Variants in LMO3 observed in about 807,000 individuals in gnomAD.
LMO3 encodes the protein LIM domain only 3.
In LMO3, 2 loss-of-function variants were observed where a neutral mutation model predicts 15.8. The ratio of observed to expected loss-of-function variants is 0.13; its 90% CI spans 0.05 to 0.40. LMO3 has a LOEUF of 0.40. Among genes scored for constraint, LMO3 ranks in the 10% least tolerant of loss-of-function variants. The pLI is 0.99. For missense variants in LMO3, 86 were observed against 182.2 expected, an observed-to-expected ratio of 0.47 and a Z score of 3.04; for synonymous variants, 62 against 63.8, an observed-to-expected ratio of 0.97 and a Z score of 0.13.
rs1555116337 is a variant in LMO3 at position 16,566,038 on chromosome 12, A to ATATATATG, written c.207-5501_207-5500insCATATATA. Among the ~76,000 whole-genome samples, 15 of 90,522 alleles carry ATATATATG rather than the reference A, an allele frequency of 1.7e-4. 1 individual carries two copies. Among genetic ancestry groups the ATATATATG allele is most frequent in the East Asian group, 1.3e-3 (3 of 2,392 alleles). 59.4% of individuals were successfully genotyped at this position (90,522 alleles called of 152,430 possible). A position where few individuals can be genotyped will look rare whatever the true frequency, so the allele number is the denominator to read the frequency against. ...TATATATATATATATATATATATATATAAAATGGAGTACTATTCAGCCATA... is the reference window on the plus strand; with the variant it reads ...TATATATATATATATATATATATATATATATATGTAAAATGGAGTACTATTCAGCCATA... On this transcript the variant is annotated intron_variant, in intron 2 of 3. Coordinates refer to ENST00000537304, the MANE Select transcript of LMO3 (RefSeq NM_018640.5).
chr12:16,574,216 T>C (rs139029347), intron 2 of LMO3, among the ~76,000 whole-genome samples: 8 of 152,190 alleles, frequency 5.3e-5, no homozygotes, highest in Non-Finnish European at 1.0e-4. Context: ...CTCGATCACA[T>C]TGATTTAAAT....
intron 2 of LMO3, among the ~76,000 whole-genome samples, chr12:16,588,823 A>G (rs375162390): frequency 1.3e-5 from 2 of 151,956 alleles, no homozygotes; most frequent in South Asian, 2.1e-4. Flanking sequence ...CTCTTCTTCA[A>G]TCTTCTCCTC....
intron 1 of LMO3, chr12:16,602,201 G>A (rs1389947628): frequency 6.6e-6 from 1 of 152,116 alleles, no homozygotes; most frequent in Admixed American, 6.5e-5. Flanking sequence ...TGCATTATAG[G>A]ATAAGAAATG....
intron 1 of LMO3, among the ~76,000 whole-genome samples, chr12:16,601,670 A>C (rs1943829114): frequency 6.6e-6 from 1 of 152,204 alleles, no homozygotes; most frequent in Non-Finnish European, 1.5e-5. Flanking sequence ...AGAAGGCAAG[A>C]TCTAAATATA....
At position 16,599,343 on chromosome 12, in the gene LMO3, G is replaced by A. The variant is rs1213403274; in HGVS notation, c.206+1312C>T. Reference sequence around the variant, plus strand: ...ATTAGTCAGGAGGCTGTCAGATGAGGCCGTCCTAAGAGCGAGAAGGAGTAG... The same window carrying A: ...ATTAGTCAGGAGGCTGTCAGATGAGACCGTCCTAAGAGCGAGAAGGAGTAG... On this transcript the variant is annotated intron_variant, in intron 2 of 3. Coordinates refer to ENST00000537304, the MANE Select transcript of LMO3 (RefSeq NM_018640.5). This position sits in a 1 kb window ranked among gnomAD's most constrained non-coding sequence, Gnocchi z 4.1. 1.3e-5 allele frequency: 2 copies of A among 152,176 alleles called. No individual in the cohort carries two copies. The highest frequency in any genetic ancestry group is 3.9e-4 in the East Asian group (2 of 5,188). 9.4% of individuals were successfully genotyped at this position (152,176 alleles called of 1,614,324 possible).
At chr12:16,568,317 T>C (rs2137409466) in intron 2 of LMO3, among the ~76,000 whole-genome samples, 1 of 152,326 alleles carries the variant, frequency 6.6e-6, no homozygotes, top group African/African-American at 2.4e-5. Flanking sequence ...ATAGATTGTT[T>C]TAGACTTGAG....
chr12:16,605,385 C>A, intron 1 of LMO3: 1 of 1,188,700 alleles, frequency 8.4e-7, no homozygotes, highest in Non-Finnish European at 1.0e-6. Context: ...GATATAGGCA[C>A]CTTGGTCCAG....
rs1363690496 is a variant in LMO3, at chr12:16,597,724, G to A, written c.206+2931C>T. Reference sequence around the variant, plus strand: ...ATGTAAGTTATTTATGTTCAGTTTGGTGCCTCAGAGAAATTACATAATATC... The same window carrying A: ...ATGTAAGTTATTTATGTTCAGTTTGATGCCTCAGAGAAATTACATAATATC... On this transcript the variant is annotated intron_variant, in intron 2 of 3. Transcript: ENST00000537304. The surrounding 1 kb of genome is among the most constrained non-coding windows in gnomAD (Gnocchi z 5.0). The A allele has an allele frequency of 2.0e-5, 3 of 151,606 alleles. No homozygotes were observed. The highest frequency in any genetic ancestry group is 4.4e-5 in the Non-Finnish European group (3 of 67,730). The allele number at this position is 151,606 out of a possible 1,614,324, so 9.4% of individuals were successfully genotyped here.
chr12:16,577,905 T>C (rs899745969), intron 2 of LMO3, among the ~76,000 whole-genome samples: 2 of 152,230 alleles, frequency 1.3e-5, no homozygotes, highest in Non-Finnish European at 2.9e-5. Context: ...AATTATTTTA[T>C]GTGACATTTT....
rs1411781093 is a variant in LMO3, at chr12:16,562,397, G to A, written c.207-1859C>T. On this transcript the variant is annotated intron_variant, in intron 2 of 3. Transcript: ENST00000537304. ...CATCTGGTTAACATGCGATAAAGCC[G>A]TTTTTAAGAATTATTCAGTTTGTTC... Among the ~76,000 whole-genome samples the A allele has an allele frequency of 5.9e-5, 9 of 152,156 alleles. No homozygotes were observed. The East Asian group carries it at 1.3e-3, about 23-fold the overall frequency.
chr12:16,605,132 C>T, intron 1 of LMO3: 1 of 1,406,766 alleles, frequency 7.1e-7, no homozygotes, highest in South Asian at 1.6e-5. Context: ...TCGCAGTGTG[C>T]AAAATGATGG....
chr12:16,592,685 A>G (rs1943531297), intron 2 of LMO3, among the ~76,000 whole-genome samples: 1 of 151,982 alleles, frequency 6.6e-6, no homozygotes, highest in Non-Finnish European at 1.5e-5. Flanking sequence ...TAAACAAAAA[A>G]TAAGTGGTAT....
chr12:16,593,947 G>A lies in LMO3; in HGVS notation c.206+6708C>T, dbSNP rs1193974196. Among the ~76,000 whole-genome samples, 1 of 151,634 alleles carries A rather than the reference G, an allele frequency of 6.6e-6. No individual in the cohort carries two copies. The highest frequency in any genetic ancestry group is 2.4e-5 in the African/African-American group (1 of 41,360). ...GAACAGGCAGTATCAAACTCCCTCGGAGCTAAGAAAAACAGAATTAGATAT... is the reference window on the plus strand; with the variant it reads ...GAACAGGCAGTATCAAACTCCCTCGAAGCTAAGAAAAACAGAATTAGATAT... On this transcript the variant is annotated intron_variant, in intron 2 of 3. Coordinates refer to ENST00000537304, the MANE Select transcript of LMO3 (RefSeq NM_018640.5). This position sits in a 1 kb window ranked among gnomAD's most constrained non-coding sequence, Gnocchi z 4.2.
intron 2 of LMO3, among the ~76,000 whole-genome samples, chr12:16,579,291 T>G (rs1943089301): frequency 2.0e-5 from 3 of 152,224 alleles, no homozygotes; most frequent in Admixed American, 6.5e-5. Context: ...CCAAATTTGT[T>G]CAGATAATTA....
intron 2 of LMO3, among the ~76,000 whole-genome samples, chr12:16,572,337 C>CTTTTTTT (rs1491500635): frequency 1.0e-5 from 1 of 99,686 alleles, no homozygotes; most frequent in Non-Finnish European, 2.0e-5. Flanking sequence ...GTGGTCCAAA[C>CTTTTTTT]TCTTTTTTTT....
chr12:16,604,360 C>T lies in LMO3; in HGVS notation c.-9+1706G>A, dbSNP rs756666398. ...AGCCCCCTTCCCTATCCTTCACCCCCCTCCCCTTTTTGAGCAATGGAGCTG... is the reference window on the plus strand; with the variant it reads ...AGCCCCCTTCCCTATCCTTCACCCCTCTCCCCTTTTTGAGCAATGGAGCTG... On this transcript the variant is annotated intron_variant, in intron 1 of 3. Coordinates refer to ENST00000537304, the MANE Select transcript of LMO3 (RefSeq NM_018640.5). This position sits in a 1 kb window ranked among gnomAD's most constrained non-coding sequence, Gnocchi z 5.3. 7.2e-5 allele frequency among the ~76,000 whole-genome samples: 11 copies of T among 152,122 alleles called. No individual in the cohort carries two copies. Among genetic ancestry groups the T allele is most frequent in the Non-Finnish European group, 1.5e-4 (10 of 68,034 alleles).
rs933370964 is a variant in LMO3 at position 16,589,525 on chromosome 12, T to A, written c.206+11130A>T. 2.0e-5 allele frequency: 3 copies of A among 152,114 alleles called. No individual in the cohort carries two copies. The highest frequency in any genetic ancestry group is 2.9e-5 in the Non-Finnish European group (2 of 68,010). The allele number at this position is 152,114 out of a possible 1,614,324, so 9.4% of individuals were successfully genotyped here. A position where few individuals can be genotyped will look rare whatever the true frequency, so the allele number is the denominator to read the frequency against. The stretch of plus-strand genomic sequence containing the variant: ...ATCTCCTGAAAAATTATGTCTTTTT[T>A]AGGTTGCTGCAGAAGTCAAGAGCTA... On this transcript the variant is annotated intron_variant, in intron 2 of 3. Transcript: ENST00000537304. This position sits in a 1 kb window ranked among gnomAD's most constrained non-coding sequence, Gnocchi z 4.2.
intron 2 of LMO3, among the ~76,000 whole-genome samples, chr12:16,577,621 G>A: frequency 6.6e-6 from 1 of 152,098 alleles, no homozygotes; most frequent in East Asian, 1.9e-4. Flanking sequence ...TTTTGGAAGA[G>A]GACAAGTAAG....
At chr12:16,600,264 G>C (rs1432995984) in intron 2 of LMO3, 4 of 128,760 alleles carry the variant, frequency 3.1e-5, no homozygotes, top group Non-Finnish European at 5.9e-5. Flanking sequence ...TTTGTGTTAT[G>C]CTCAACCCCC....
Sources: gnomAD v4.1 joint callset for allele counts (sites outside exome capture counted in the v4.1 genomes callset) on GRCh38, gnomAD v4.1.1 for gene constraint, Gnocchi (gnomAD v3.1) non-coding constraint, MANE v1.5 for transcripts, NCBI Gene and HGNC (gene_info 2026-07-23, HGNC 2026-07-21) for gene names.